The following SGK1 variants were observed in gnomAD, a reference collection of about 807,000 sequenced individuals.
The protein encoded by SGK1 is serine/threonine-protein kinase Sgk1.
Under a neutral mutation model 64.2 loss-of-function variants are expected in SGK1, and 26 were observed. The observed-to-expected ratio is 0.40, with a 90% CI of 0.30 to 0.56. The LOEUF (loss-of-function observed/expected upper bound fraction) is 0.56, where lower values mean the gene tolerates loss of function less well. Among genes scored for constraint, SGK1 ranks in the 20% least tolerant of loss-of-function variants. The probability of loss-of-function intolerance (pLI) is 0.38; values close to 1 mark genes in which losing one functional copy is unlikely to be tolerated. For missense variants in SGK1, 519 were observed against 645.6 expected (o/e 0.80, Z 2.12); for synonymous variants, 265 against 239.7 (o/e 1.11, Z -0.98).
intron 3 of SGK1, among the ~76,000 whole-genome samples, chr6:134,201,774 G>T (rs946164729): frequency 6.6e-6 from 1 of 152,156 alleles, no homozygotes; most frequent in East Asian, 1.9e-4. Context: ...CCATTTACAG[G>T]CTCATAAGAT....
intron 2 of SGK1, among the ~76,000 whole-genome samples, chr6:134,251,702 A>C (rs59875629): frequency 0.13 from 20,150 of 152,122 alleles, 1,554 homozygotes; most frequent in Admixed American, 0.24. Context: ...TGCTTTACCC[A>C]CAAGTCCTGA....
At chr6:134,233,600 A>G (rs561741626) in intron 2 of SGK1, among the ~76,000 whole-genome samples, 58 of 152,378 alleles carry the variant, frequency 3.8e-4, no homozygotes, top group Non-Finnish European at 4.4e-4. Flanking sequence ...TCATAGAGGT[A>G]TTAACGAACT....
At chr6:134,188,740 CT>C (rs529237115) in intron 3 of SGK1, among the ~76,000 whole-genome samples, 30 of 148,198 alleles carry the variant, frequency 2.0e-4, no homozygotes, top group Middle Eastern at 3.4e-3. Context: ...GCCTGGCCAA[CT>C]TTTTTTTTTG....
In SGK1 at chr6:134,170,118, C is replaced by T. The variant is rs1774963329; in HGVS notation, c.*150G>A. On this transcript the variant is annotated 3_prime_UTR_variant, in exon 14 of 14. Coordinates refer to ENST00000367858, the MANE Select transcript of SGK1 (RefSeq NM_001143676.3). ...GAGAATGTGCTCTTCAAAAAGCTTC[C>T]AGCGAACAGTGTGCAATAAGATTGC... 7.0e-6 allele frequency: 4 copies of T among 569,346 alleles called. No homozygotes were observed. Among genetic ancestry groups the T allele is most frequent in the Admixed American group, 6.3e-5 (2 of 31,942 alleles). The allele number at this position is 569,346 out of a possible 1,614,324, so 35.3% of individuals were successfully genotyped here.
intron 1 of SGK1, among the ~76,000 whole-genome samples, chr6:134,309,898 A>T (rs1777586047): frequency 1.3e-5 from 2 of 151,710 alleles, no homozygotes; most frequent in South Asian, 4.2e-4. Flanking sequence ...ACTAGTATGT[A>T]AAAAAAAATC....
intron 1 of SGK1, among the ~76,000 whole-genome samples, chr6:134,285,481 A>C (rs1011754203): frequency 2.0e-5 from 3 of 150,242 alleles, no homozygotes; most frequent in Middle Eastern, 3.5e-3. Context: ...CTGCCTCAAA[A>C]AAAAAAAAAA....
chr6:134,200,474 C>T (rs1004965186), intron 3 of SGK1, among the ~76,000 whole-genome samples: 3 of 152,206 alleles, frequency 2.0e-5, no homozygotes, highest in Non-Finnish European at 4.4e-5. Context: ...ATGTCAAAAT[C>T]TAGGCAATTC....
At chr6:134,206,378 TATATA>T (rs1168280853) in intron 3 of SGK1, among the ~76,000 whole-genome samples, 41 of 6,114 alleles carry the variant, frequency 6.7e-3, no homozygotes, top group African/African-American at 0.019. Context: ...TATATATATA[TATATA>T]TTTTTTTTTT....
At chr6:134,242,440 C>T (rs1489804824) in intron 2 of SGK1, among the ~76,000 whole-genome samples, 6 of 151,612 alleles carry the variant, frequency 4.0e-5, no homozygotes, top group Admixed American at 6.6e-5. Context: ...GAGCTGAGAT[C>T]GCGCCATTGC....
chr6:134,303,200 T>TAACACGGTGACACCCATCTC (rs1777484741), intron 1 of SGK1, among the ~76,000 whole-genome samples: 1 of 151,898 alleles, frequency 6.6e-6, no homozygotes, highest in Non-Finnish European at 1.5e-5. Flanking sequence ...GAGTCCATCC[T>TAACACGGTGACACCCATCTC]GGCTAACACG....
intron 1 of SGK1, among the ~76,000 whole-genome samples, chr6:134,304,842 T>C (rs1452590723): frequency 6.6e-6 from 1 of 152,192 alleles, no homozygotes; most frequent in Non-Finnish European, 1.5e-5. Flanking sequence ...TAAGAAGTTA[T>C]TTCTAAAGAT....
intron 1 of SGK1, among the ~76,000 whole-genome samples, chr6:134,285,578 T>A (rs1445691296): frequency 6.7e-6 from 1 of 148,508 alleles, no homozygotes; most frequent in Non-Finnish European, 1.5e-5. Flanking sequence ...CTTGCAGGAG[T>A]AAAGTGGTAT....
chr6:134,260,441 G>A (rs1206925527), intron 2 of SGK1: 3 of 140,524 alleles, frequency 2.1e-5, no homozygotes, highest in South Asian at 2.2e-4. Context: ...GAAAGCCGAC[G>A]CAGGTGGATT....
At chr6:134,180,808 G>A (rs1417189613) in intron 3 of SGK1, among the ~76,000 whole-genome samples, 2 of 150,442 alleles carry the variant, frequency 1.3e-5, no homozygotes, top group Non-Finnish European at 3.0e-5. Context: ...GGTGTTGGAG[G>A]TTTCAGTGAG....
At chr6:134,305,395 A>G (rs1005800254) in intron 1 of SGK1, among the ~76,000 whole-genome samples, 4 of 151,468 alleles carry the variant, frequency 2.6e-5, no homozygotes, top group South Asian at 2.1e-4. Context: ...AAGGGAAAGA[A>G]AACCCGGTTT....
At chr6:134,181,328 C>T (rs1775327826) in intron 3 of SGK1, among the ~76,000 whole-genome samples, 1 of 152,022 alleles carries the variant, frequency 6.6e-6, no homozygotes, top group African/African-American at 2.4e-5. Context: ...AAGTCTCTCC[C>T]GTTTGTTTTC....
At chr6:134,213,892 A>G (rs1349790616) in intron 2 of SGK1, among the ~76,000 whole-genome samples, 1 of 152,168 alleles carries the variant, frequency 6.6e-6, no homozygotes, top group Non-Finnish European at 1.5e-5. Context: ...TGCAATTTTA[A>G]AATATTTTAT....
chr6:134,198,532 C>T (rs2114673681), intron 3 of SGK1, among the ~76,000 whole-genome samples: 1 of 151,986 alleles, frequency 6.6e-6, no homozygotes, highest in African/African-American at 2.4e-5. Context: ...TACTGAAGTC[C>T]TTCCTCTGCT....
At chr6:134,235,848 T>G (rs2114719217) in intron 2 of SGK1, among the ~76,000 whole-genome samples, 1 of 152,196 alleles carries the variant, frequency 6.6e-6, no homozygotes, top group African/African-American at 2.4e-5. Flanking sequence ...GTGCTGGGAT[T>G]ATAGGTGTGA....
Sources: gnomAD v4.1 joint callset for allele counts (sites outside exome capture counted in the v4.1 genomes callset) on GRCh38, gnomAD v4.1.1 for gene constraint, MANE v1.5 for transcripts, NCBI Gene and HGNC (gene_info 2026-07-23, HGNC 2026-07-21) for gene names.